Variants in KIF13B observed in about 807,000 individuals in gnomAD.
KIF13B encodes the protein kinesin-like protein KIF13B.
A neutral mutation model predicts 222.0 loss-of-function variants in KIF13B; 127 were observed. The observed-to-expected ratio is 0.57, with a 90% confidence interval of 0.50 to 0.66. The LOEUF is 0.66. Ranked by LOEUF, KIF13B falls within the 30% of genes least tolerant of loss-of-function variation. The pLI, the probability that KIF13B is intolerant of heterozygous loss-of-function variation, is 0.00. For missense variants in KIF13B, 2,173 were observed against 2,379.0 expected (o/e 0.91, Z 1.80); for synonymous variants, 976 against 919.0 (o/e 1.06, Z -1.12).
intron 2 of KIF13B, among the ~76,000 whole-genome samples, chr8:29,238,875 A>G (rs373972202): frequency 3.9e-5 from 6 of 152,084 alleles, no homozygotes; most frequent in African/African-American, 1.4e-4. Context: ...GAGAGGACAA[A>G]AAAAGAATGA....
chr8:29,253,828 CAAAAAAAAAAA>C (rs1163069689), intron 1 of KIF13B, among the ~76,000 whole-genome samples: 6 of 21,560 alleles, frequency 2.8e-4, no homozygotes, highest in South Asian at 1.6e-3. Flanking sequence ...GAGACTGTCT[CAAAAAAAAAAA>C]AAAAAAAAAA....
intron 38 of KIF13B, among the ~76,000 whole-genome samples, chr8:29,072,769 C>T (rs552307993): frequency 5.3e-5 from 8 of 152,272 alleles, no homozygotes; most frequent in Non-Finnish European, 1.0e-4. Context: ...AGGGCCAGCA[C>T]GCTACAAAGA....
At chr8:29,255,161 GT>G (rs541536524) in intron 1 of KIF13B, among the ~76,000 whole-genome samples, 6 of 152,176 alleles carry the variant, frequency 3.9e-5, no homozygotes, top group Non-Finnish European at 8.8e-5. Flanking sequence ...ACTGCTAACA[GT>G]TACAAGGTTC....
intron 13 of KIF13B, among the ~76,000 whole-genome samples, chr8:29,156,167 C>T (rs769893253): frequency 3.8e-4 from 58 of 152,226 alleles, no homozygotes; most frequent in Non-Finnish European, 7.6e-4. Context: ...GACAGGGTTT[C>T]ACCATGTTGG....
intron 19 of KIF13B, 32 bp downstream of exon 19, chr8:29,142,125 C>A (rs925291344): frequency 3.1e-6 from 5 of 1,588,954 alleles, no homozygotes; most frequent in African/African-American, 1.3e-5. Context: ...TCCATAATTA[C>A]CAATTAAGTG....
chr8:29,109,412 G>C, intron 34 of KIF13B, 22 bp downstream of exon 34: 2 of 1,588,478 alleles, frequency 1.3e-6, no homozygotes, highest in Non-Finnish European at 1.7e-6. Context: ...GCACAGCACA[G>C]AGCTTGGTTC....
chr8:29,146,634 A>G, intron 17 of KIF13B, 94 bp from the exon 18 acceptor site: 1 of 1,153,966 alleles, frequency 8.7e-7, no homozygotes, highest in Non-Finnish European at 1.2e-6. Flanking sequence ...TCATTGCCAA[A>G]GTGTGAATTG....
rs535859268 is a variant in KIF13B, at chr8:29,216,547, C to T, written c.150-20348G>A. ...CTGGGAGTAAAAGGTTGCAGTGAGCCGAGATCCTGCCACTGTACTCCAACC... is the reference window on the plus strand; with the variant it reads ...CTGGGAGTAAAAGGTTGCAGTGAGCTGAGATCCTGCCACTGTACTCCAACC... On this transcript the variant is annotated intron_variant, in intron 2 of 39. Transcript: ENST00000524189. Among the ~76,000 whole-genome samples, 4 of 151,834 alleles carry T rather than the reference C, an allele frequency of 2.6e-5. No homozygotes were observed. The East Asian group carries it at 7.7e-4, about 29-fold the overall frequency.
Position 29,098,516 on chromosome 8 carries a change from T to A in KIF13B, c.4324+617A>T, listed in dbSNP as rs562861101. Among the ~76,000 whole-genome samples, 684 of 149,056 alleles carry A rather than the reference T, an allele frequency of 4.6e-3. 2 individuals carry two copies. Among genetic ancestry groups the A allele is most frequent in the Non-Finnish European group, 5.9e-3 (396 of 67,632 alleles). On this transcript the variant is annotated intron_variant, in intron 36 of 39. Coordinates refer to ENST00000524189, the MANE Select transcript of KIF13B (RefSeq NM_015254.4). The stretch of plus-strand genomic sequence containing the variant: ...TACTTGGGGGGCTGAGGCAGGAGAA[T>A]CACTTGAACCTGGGAGGGGCAGGTT...
chr8:29,171,787 T>C (rs1786717831), intron 10 of KIF13B, among the ~76,000 whole-genome samples: 2 of 145,804 alleles, frequency 1.4e-5, no homozygotes, highest in African/African-American at 2.6e-5. Flanking sequence ...AGATGGAGTC[T>C]CACTCTGTCG....
intron 12 of KIF13B, among the ~76,000 whole-genome samples, chr8:29,165,114 C>T (rs1400735150): frequency 6.6e-6 from 1 of 152,162 alleles, no homozygotes; most frequent in Admixed American, 6.5e-5. Flanking sequence ...TTCCAAAATG[C>T]TGGGATTACA....
At chr8:29,101,480 G>A (rs762212740) in intron 35 of KIF13B, among the ~76,000 whole-genome samples, 1 of 152,132 alleles carries the variant, frequency 6.6e-6, no homozygotes, top group African/African-American at 2.4e-5. Context: ...AATTATGGAG[G>A]TGCCACCTCT....
Position 29,186,387 on chromosome 8 carries a change from A to C in KIF13B, c.402T>G (p.Thr134=), listed in dbSNP as rs559831487. 166 of 1,613,668 alleles carry C rather than the reference A, an allele frequency of 1.0e-4. No individual in the cohort carries two copies. In the East Asian group the frequency reaches 3.6e-3, roughly 35 times the overall value. ...TCTGTTCTTCATTTTCCTCTTTCTG[A>C]GTTCGTTCAAAGAGTCCACTGCAAA... ...PRLCSGLFER[T]QKEENEEQSF... The change falls in exon 6 of 40, where the codon ACT becomes ACG. Residue 134 remains threonine, a synonymous_variant. Transcript: ENST00000524189.
At chr8:29,212,919 T>C (rs554694460) in intron 2 of KIF13B, among the ~76,000 whole-genome samples, 32 of 151,662 alleles carry the variant, frequency 2.1e-4, no homozygotes, top group Admixed American at 5.3e-4. Context: ...TAAGCATGTA[T>C]AATCAGATGG....
intron 26 of KIF13B, 140 bp downstream of exon 26, chr8:29,126,342 A>G (rs1810108440): frequency 3.2e-6 from 2 of 629,894 alleles, no homozygotes; most frequent in Non-Finnish European, 5.7e-6. Context: ...AATGTTCCCT[A>G]CTCTGTTTTA....
At chr8:29,079,495 C>T (rs1807709743) in intron 37 of KIF13B, among the ~76,000 whole-genome samples, 1 of 152,150 alleles carries the variant, frequency 6.6e-6, no homozygotes, top group South Asian at 2.1e-4. Context: ...AAAACAGTAG[C>T]TCAGTGTTTG....
rs777726670 is a variant in KIF13B at position 29,181,986 on chromosome 8, A to T, written c.518T>A (p.Val173Asp). The change falls in exon 7 of 40, where the codon GTC becomes GAC. Residue 173 changes from valine (V) to aspartate (D), a missense_variant. By Grantham distance (152) the Val-to-Asp change is radical. Around this residue, in one of 2 missense-constraint regions of KIF13B, gnomAD observed 1,480 missense variants for 1,722.8 expected, o/e 0.86. Transcript: ENST00000524189. ...DPKGSRQTLK[V>D]REHSVLGPYV... ...AGGTCCCAACACACTATGCTCTCTG[A>T]CTTTCAACGTCTGACGGCTTCTGTT... 1.2e-6 allele frequency: 2 copies of T among 1,613,234 alleles called. No homozygotes were observed. Among genetic ancestry groups the T allele is most frequent in the South Asian group, 2.2e-5 (2 of 90,892 alleles).
chr8:29,207,118 A>AACTC (rs1367515013), intron 2 of KIF13B, among the ~76,000 whole-genome samples: 1 of 152,082 alleles, frequency 6.6e-6, no homozygotes, highest in Non-Finnish European at 1.5e-5. Context: ...ATGAAATTCT[A>AACTC]ACTCCTTAAG....
At chr8:29,245,304 TACTTAA>T in intron 2 of KIF13B, 36 bp downstream of exon 2, 1 of 1,359,630 alleles carries the variant, frequency 7.4e-7, no homozygotes, top group Non-Finnish European at 1.0e-6. Context: ...TGCTTCCAGT[TACTTAA>T]ACATCCATTG....
Sources: allele counts gnomAD v4.1 joint callset (sites outside exome capture counted in the v4.1 genomes callset), GRCh38; gene constraint gnomAD v4.1.1; regional missense constraint gnomAD v4.1.1; transcripts MANE v1.5; gene names NCBI Gene and HGNC (gene_info 2026-07-23, HGNC 2026-07-21).